The following IPMK variants were observed in gnomAD, a reference collection of about 807,000 sequenced individuals.
IPMK encodes inositol polyphosphate multikinase.
In IPMK, 17 loss-of-function variants were observed where a neutral mutation model predicts 45.8. That is an observed-to-expected ratio of 0.37 (90% CI 0.25 to 0.56). The LOEUF is 0.56. IPMK is among the 20% of genes least tolerant of loss of function. The pLI is 0.79. For missense variants in IPMK, 399 were observed against 498.0 expected, an observed-to-expected ratio of 0.80 and a Z score of 1.89; for synonymous variants, 180 against 184.3, an observed-to-expected ratio of 0.98 and a Z score of 0.19.
At position 58,267,858 on chromosome 10, in the gene IPMK, C is replaced by G; in HGVS notation, c.-247G>C. Reference sequence around the variant, plus strand: ...TCCTCTGCCGCCGCAGCCGCCGGCCCCGGCGCTGCCCGGTAGACAGAACCG... The same window carrying G: ...TCCTCTGCCGCCGCAGCCGCCGGCCGCGGCGCTGCCCGGTAGACAGAACCG... On this transcript the variant is annotated 5_prime_UTR_variant, in exon 1 of 6. Transcript: ENST00000373935. 3 of 454,010 alleles carry G rather than the reference C, an allele frequency of 6.6e-6. No individual in the cohort carries two copies. The highest frequency in any genetic ancestry group is 1.2e-5 in the Non-Finnish European group (3 of 257,882). The allele number at this position is 454,010 out of a possible 1,614,324, so 28.1% of individuals were successfully genotyped here.
chr10:58,208,176 G>A (rs919517004), intron 4 of IPMK, among the ~76,000 whole-genome samples: 44 of 152,046 alleles, frequency 2.9e-4, no homozygotes, highest in African/African-American at 8.0e-4. Flanking sequence ...TCCTGACCTC[G>A]TGATCCACCC....
At chr10:58,232,586 T>C (rs1251313180) in intron 2 of IPMK, among the ~76,000 whole-genome samples, 1 of 152,146 alleles carries the variant, frequency 6.6e-6, no homozygotes, top group African/African-American at 2.4e-5. Flanking sequence ...GACAACTGGG[T>C]ACATAACGAA....
At chr10:58,228,588 C>T (rs1291535271) in intron 2 of IPMK, among the ~76,000 whole-genome samples, 1 of 152,210 alleles carries the variant, frequency 6.6e-6, no homozygotes, top group Non-Finnish European at 1.5e-5. Flanking sequence ...CACTGGAGTG[C>T]AGTGGTGCAA....
In IPMK at chr10:58,254,652, C is replaced by CAGTT. The variant is rs1160114338; in HGVS notation, c.190+12766_190+12769dup. 2.0e-5 allele frequency among the ~76,000 whole-genome samples: 3 copies of CAGTT among 152,200 alleles called. No homozygotes were observed. The East Asian group carries it at 5.8e-4, about 29-fold the overall frequency. On this transcript the variant is annotated intron_variant, in intron 1 of 5. Coordinates refer to ENST00000373935, the MANE Select transcript of IPMK (RefSeq NM_152230.5). Reference sequence around the variant, plus strand: ...GTTGATGCCTGCACATTTGAAGAGACAGTTACCTCTTCTAGTTTTTGCAGG... The same window carrying CAGTT: ...GTTGATGCCTGCACATTTGAAGAGACAGTTAGTTACCTCTTCTAGTTTTTGCAGG...
rs1223887155 is a variant in IPMK at position 58,267,614 on chromosome 10, CGGAGA to C, written c.-8_-4del. ...GGGGATGGTGGCTCTGTTGCCATAA[CGGAGA>C]GCAGAAGCGGTAACGGCAGCGAGAG... On this transcript the variant is annotated 5_prime_UTR_variant, in exon 1 of 6. Coordinates refer to ENST00000373935, the MANE Select transcript of IPMK (RefSeq NM_152230.5). 1 of 1,588,542 alleles carries C rather than the reference CGGAGA, an allele frequency of 6.3e-7. No homozygotes were observed. Among genetic ancestry groups the C allele is most frequent in the African/African-American group, 1.3e-5 (1 of 74,326 alleles).
intron 4 of IPMK, among the ~76,000 whole-genome samples, chr10:58,203,620 A>G (rs1838029002): frequency 6.6e-6 from 1 of 152,158 alleles, no homozygotes; most frequent in South Asian, 2.1e-4. Flanking sequence ...CTGGCCTCAG[A>G]GTGGCTTCTC....
intron 1 of IPMK, among the ~76,000 whole-genome samples, chr10:58,260,194 C>A (rs888406236): frequency 1.3e-5 from 2 of 152,090 alleles, no homozygotes; most frequent in Non-Finnish European, 2.9e-5. Flanking sequence ...AACAATCAGA[C>A]AAACTGAACT....
At chr10:58,227,191 C>G (rs771093141) in intron 2 of IPMK, 52 bp from the exon 3 acceptor site, 1 of 1,224,734 alleles carries the variant, frequency 8.2e-7, no homozygotes, top group South Asian at 1.3e-5. Flanking sequence ...TTTGTAACTG[C>G]CCTGCACATT....
At chr10:58,222,295 G>A (rs139448198) in intron 3 of IPMK, among the ~76,000 whole-genome samples, 1 of 152,258 alleles carries the variant, frequency 6.6e-6, no homozygotes, top group Non-Finnish European at 1.5e-5. Flanking sequence ...AAATAATTAT[G>A]AGTATTTCAC....
At chr10:58,229,369 C>G (rs946063592) in intron 2 of IPMK, among the ~76,000 whole-genome samples, 2 of 151,890 alleles carry the variant, frequency 1.3e-5, no homozygotes, top group Non-Finnish European at 2.9e-5. Context: ...TCCAGACCAG[C>G]CTGGCCAACA....
intron 2 of IPMK, among the ~76,000 whole-genome samples, chr10:58,235,376 C>A (rs566093761): frequency 6.6e-6 from 1 of 152,260 alleles, no homozygotes; most frequent in African/African-American, 2.4e-5. Context: ...CGTATGTTTA[C>A]TGCAGCACTA....
chr10:58,211,418 C>T (rs954606906), intron 4 of IPMK, among the ~76,000 whole-genome samples: 6 of 152,038 alleles, frequency 3.9e-5, no homozygotes, highest in African/African-American at 1.4e-4. Context: ...CTCTCGAACT[C>T]CTTACCTCAG....
intron 1 of IPMK, among the ~76,000 whole-genome samples, chr10:58,262,844 T>C (rs1170988354): frequency 6.6e-6 from 1 of 152,178 alleles, no homozygotes. Context: ...AAACTGATTA[T>C]AAATAAGGAC....
intron 4 of IPMK, among the ~76,000 whole-genome samples, chr10:58,203,010 T>A (rs1182811219): frequency 1.3e-5 from 2 of 152,220 alleles, no homozygotes; most frequent in Non-Finnish European, 2.9e-5. Context: ...ATTCCTCTGA[T>A]GGACTGGGGC....
At chr10:58,224,952 T>A (rs1415173586) in intron 3 of IPMK, among the ~76,000 whole-genome samples, 1 of 152,204 alleles carries the variant, frequency 6.6e-6, no homozygotes. Context: ...GATGATTCTA[T>A]GAAGTTGCTA....
At chr10:58,197,136 T>C (rs374745375) in intron 5 of IPMK, among the ~76,000 whole-genome samples, 3 of 149,932 alleles carry the variant, frequency 2.0e-5, no homozygotes, top group East Asian at 4.0e-4. Flanking sequence ...CCGTCTCTAC[T>C]AAAAATACAA....
intron 3 of IPMK, among the ~76,000 whole-genome samples, chr10:58,219,256 G>C (rs755090752): frequency 3.3e-5 from 5 of 152,054 alleles, no homozygotes; most frequent in Non-Finnish European, 7.4e-5. Context: ...TTCCCTCTGA[G>C]TTAAAAAATA....
intron 1 of IPMK, among the ~76,000 whole-genome samples, chr10:58,242,101 C>T (rs553519620): frequency 1.3e-5 from 2 of 151,880 alleles, no homozygotes; most frequent in South Asian, 2.1e-4. Flanking sequence ...AAAATAATAC[C>T]GTCAACAAAT....
At chr10:58,262,179 C>A (rs1328126447) in intron 1 of IPMK, among the ~76,000 whole-genome samples, 1 of 152,036 alleles carries the variant, frequency 6.6e-6, no homozygotes, top group Non-Finnish European at 1.5e-5. Context: ...ACCAACACTG[C>A]ACATGTATAC....
Sources: gnomAD v4.1 joint callset for allele counts (sites outside exome capture counted in the v4.1 genomes callset) on GRCh38, gnomAD v4.1.1 for gene constraint, MANE v1.5 for transcripts, NCBI Gene and HGNC (gene_info 2026-07-23, HGNC 2026-07-21) for gene names.